Variants in STK39 observed in about 807,000 individuals in gnomAD.
The protein encoded by STK39 is serine/threonine kinase 39.
Under a neutral mutation model 77.8 loss-of-function variants are expected in STK39, and 20 were observed. The ratio of observed to expected loss-of-function variants is 0.26; its 90% CI spans 0.18 to 0.37. The LOEUF is 0.37. STK39 is among the 10% of genes least tolerant of loss of function. The pLI, the probability that STK39 is intolerant of heterozygous loss-of-function variation, is 1.00. For synonymous variants in STK39, 246 were observed against 234.1 expected (o/e 1.05, Z -0.47); for missense variants, 479 against 656.5 (o/e 0.73, Z 2.95).
intron 1 of STK39, among the ~76,000 whole-genome samples, chr2:168,196,899 C>T (rs1490927303): frequency 6.6e-6 from 1 of 152,076 alleles, no homozygotes; most frequent in Non-Finnish European, 1.5e-5. Flanking sequence ...GTGGCTGGTG[C>T]TTGTCAGCTA....
chr2:168,183,555 C>T (rs1689136636), intron 1 of STK39, among the ~76,000 whole-genome samples: 1 of 152,214 alleles, frequency 6.6e-6, no homozygotes, highest in Admixed American at 6.5e-5. Context: ...GCACATGCTT[C>T]CCTTCCTCAC....
At chr2:168,159,052 G>C (rs1027971085) in intron 5 of STK39, among the ~76,000 whole-genome samples, 2 of 152,036 alleles carry the variant, frequency 1.3e-5, no homozygotes, top group Admixed American at 1.3e-4. Flanking sequence ...ATGTAAAAGT[G>C]AGTGTTTCCC....
chr2:167,995,192 C>T (rs561577147), intron 16 of STK39, among the ~76,000 whole-genome samples: 1 of 151,954 alleles, frequency 6.6e-6, no homozygotes, highest in Admixed American at 6.6e-5. Context: ...TCACTGCAAC[C>T]TCTGCCTCCC....
chr2:168,000,362 T>C (rs988316966), intron 16 of STK39, among the ~76,000 whole-genome samples: 10 of 152,222 alleles, frequency 6.6e-5, no homozygotes, highest in African/African-American at 2.4e-4. Flanking sequence ...GAGCCAACTT[T>C]TCTTTTTCTT....
intron 1 of STK39, among the ~76,000 whole-genome samples, chr2:168,216,138 G>A (rs1168841430): frequency 3.4e-4 from 31 of 91,394 alleles, no homozygotes; most frequent in Admixed American, 2.7e-3. Context: ...ATATGGATAG[G>A]CCTCCCGTGC....
At chr2:168,112,325 C>G (rs1487904951) in intron 10 of STK39, among the ~76,000 whole-genome samples, 1 of 152,030 alleles carries the variant, frequency 6.6e-6, no homozygotes, top group Non-Finnish European at 1.5e-5. Context: ...CAGCCCCACT[C>G]AAATCTCATC....
intron 12 of STK39, among the ~76,000 whole-genome samples, chr2:168,068,735 T>C (rs1421186323): frequency 2.0e-5 from 3 of 152,194 alleles, no homozygotes; most frequent in Admixed American, 2.0e-4. Flanking sequence ...GGCAGTCACC[T>C]GCAATAACAA....
chr2:168,032,567 C>T (rs1684855530), intron 14 of STK39, among the ~76,000 whole-genome samples: 1 of 152,138 alleles, frequency 6.6e-6, no homozygotes, highest in Admixed American at 6.5e-5. Flanking sequence ...CTTTCCTGAC[C>T]TCTTGAGTAA....
intron 10 of STK39, among the ~76,000 whole-genome samples, chr2:168,090,542 G>A (rs919656590): frequency 6.6e-6 from 1 of 152,204 alleles, no homozygotes; most frequent in Non-Finnish European, 1.5e-5. Flanking sequence ...TGAAACTCGA[G>A]CAGTCAACAG....
chr2:168,078,350 T>C (rs1192752903), intron 10 of STK39, among the ~76,000 whole-genome samples: 1 of 149,118 alleles, frequency 6.7e-6, no homozygotes, highest in East Asian at 1.9e-4. Flanking sequence ...CCAGTGCTGG[T>C]GGCCACCAGG....
At chr2:168,231,447 TTAAG>T (rs1473012424) in intron 1 of STK39, among the ~76,000 whole-genome samples, 1 of 151,906 alleles carries the variant, frequency 6.6e-6, no homozygotes, top group Non-Finnish European at 1.5e-5. Context: ...TGTTAAATGG[TTAAG>T]TGTTAAATGG....
At chr2:168,206,623 T>A (rs1689750855) in intron 1 of STK39, among the ~76,000 whole-genome samples, 2 of 152,210 alleles carry the variant, frequency 1.3e-5, no homozygotes, top group Non-Finnish European at 2.9e-5. Context: ...CTTGATTCCC[T>A]GTGTGACTTT....
chr2:168,241,436 G>A (rs1260137734), intron 1 of STK39, among the ~76,000 whole-genome samples: 1 of 152,202 alleles, frequency 6.6e-6, no homozygotes, highest in African/African-American at 2.4e-5. Flanking sequence ...CTTCCCGCAG[G>A]ATGCTCTCAT....
intron 5 of STK39, among the ~76,000 whole-genome samples, chr2:168,152,920 C>T (rs1688329026): frequency 6.6e-6 from 1 of 152,192 alleles, no homozygotes; most frequent in African/African-American, 2.4e-5. Flanking sequence ...ACCAGCACTA[C>T]TATCAGAAGC....
At chr2:168,026,942 A>T (rs1684713333) in intron 14 of STK39, among the ~76,000 whole-genome samples, 1 of 152,154 alleles carries the variant, frequency 6.6e-6, no homozygotes. Flanking sequence ...ACACCGTGAG[A>T]TCTGGTCTCT....
At chr2:167,988,398 C>A (rs1683614280) in intron 16 of STK39, among the ~76,000 whole-genome samples, 1 of 152,122 alleles carries the variant, frequency 6.6e-6, no homozygotes, top group Admixed American at 6.6e-5. Flanking sequence ...TGTTTTCTAG[C>A]AAGACCATTT....
At position 168,140,478 on chromosome 2, in the gene STK39, G is replaced by A. The variant is rs1254974330; in HGVS notation, c.739-88C>T. 2.3e-6 allele frequency: 3 copies of A among 1,280,706 alleles called. No individual in the cohort carries two copies. In the South Asian group the frequency reaches 3.6e-5, roughly 15 times the overall value. 79.3% of individuals were successfully genotyped at this position (1,280,706 alleles called of 1,614,324 possible). A position where few individuals can be genotyped will look rare whatever the true frequency, so the allele number is the denominator to read the frequency against. Reference sequence around the variant, plus strand: ...CATGTCATGTCAGAAATCCACAGCTGTTGATGTATAACTTTCACGTTAGTT... The same window carrying A: ...CATGTCATGTCAGAAATCCACAGCTATTGATGTATAACTTTCACGTTAGTT... On this transcript the variant is annotated intron_variant, in intron 6 of 17. Coordinates refer to ENST00000355999, the MANE Select transcript of STK39 (RefSeq NM_013233.3).
rs997385489 is a variant in STK39 at position 168,140,337 on chromosome 2, A to G, written c.792T>C (p.Ile264=). 7 of 1,613,984 alleles carry G rather than the reference A, an allele frequency of 4.3e-6. No homozygotes were observed. The African/African-American group carries it at 9.3e-5, about 22-fold the overall frequency. The part of the protein sequence containing the change: ...ADMWSFGITA[I]ELATGAAPYH... ...AAGGCGCTGCTCCTGTTGCTAATTCAATGGCAGTTATTCCAAAACTCCACA... is the reference window on the plus strand; with the variant it reads ...AAGGCGCTGCTCCTGTTGCTAATTCGATGGCAGTTATTCCAAAACTCCACA... The change falls in exon 7 of 18, where the codon ATT becomes ATC. Residue 264 remains isoleucine, a synonymous_variant. Transcript: ENST00000355999.
At chr2:167,955,626 A>C in intron 17 of STK39, 56 bp from the exon 18 acceptor site, 1 of 1,563,132 alleles carries the variant, frequency 6.4e-7, no homozygotes, top group Non-Finnish European at 8.7e-7. Flanking sequence ...CTGGTTGTTA[A>C]AGTCTTGTTC....
Sources: allele counts gnomAD v4.1 joint callset (sites outside exome capture counted in the v4.1 genomes callset), GRCh38; gene constraint gnomAD v4.1.1; transcripts MANE v1.5; gene names NCBI Gene and HGNC (gene_info 2026-07-23, HGNC 2026-07-21).